Variants in BRINP3 observed in about 807,000 individuals in gnomAD.
BRINP3 encodes the protein BMP/retinoic acid inducible neural specific 3.
A neutral mutation model predicts 71.0 loss-of-function variants in BRINP3; 19 were observed. The observed-to-expected ratio is 0.27, with a 90% CI of 0.19 to 0.39. The LOEUF (loss-of-function observed/expected upper bound fraction) is 0.39. Ranked by LOEUF, BRINP3 falls within the 10% of genes least tolerant of loss-of-function variation. The pLI, the probability that BRINP3 is intolerant of heterozygous loss-of-function variation, is 1.00. For synonymous variants in BRINP3, 380 were observed against 337.7 expected (o/e 1.13, Z -1.37); for missense variants, 959 against 940.8 (o/e 1.02, Z -0.25).
At chr1:190,151,261 T>A (rs1196415486) in intron 7 of BRINP3, among the ~76,000 whole-genome samples, 1 of 152,212 alleles carries the variant, frequency 6.6e-6, no homozygotes, top group Non-Finnish European at 1.5e-5. Flanking sequence ...CAAATATAGA[T>A]GAGACCTATT....
At chr1:190,325,567 AT>A (rs1558183446) in intron 2 of BRINP3, among the ~76,000 whole-genome samples, 1 of 152,060 alleles carries the variant, frequency 6.6e-6, no homozygotes, top group Non-Finnish European at 1.5e-5. Flanking sequence ...GTGATAGCTG[AT>A]GTGTGGAAAA....
intron 6 of BRINP3, among the ~76,000 whole-genome samples, chr1:190,169,408 A>G (rs922953597): frequency 2.0e-5 from 3 of 152,054 alleles, no homozygotes; most frequent in African/African-American, 7.2e-5. Context: ...CCCTCAAGAG[A>G]TTACTTCTGC....
At chr1:190,376,552 A>C (rs1670194810) in intron 2 of BRINP3, among the ~76,000 whole-genome samples, 2 of 152,060 alleles carry the variant, frequency 1.3e-5, no homozygotes, top group South Asian at 4.1e-4. Flanking sequence ...GCAGGTACTC[A>C]AAATTACCAT....
intron 6 of BRINP3, among the ~76,000 whole-genome samples, chr1:190,163,784 T>C (rs1282042325): frequency 6.6e-6 from 1 of 152,126 alleles, no homozygotes; most frequent in Admixed American, 6.6e-5. Flanking sequence ...AAACAAGGTT[T>C]GTTGTGCCTT....
At chr1:190,380,351 T>G (rs1670470818) in intron 2 of BRINP3, among the ~76,000 whole-genome samples, 1 of 152,142 alleles carries the variant, frequency 6.6e-6, no homozygotes. Flanking sequence ...TGGTAGAATT[T>G]TTGGAAGAAT....
At chr1:190,157,929 A>G (rs1657008463) in intron 7 of BRINP3, among the ~76,000 whole-genome samples, 2 of 152,134 alleles carry the variant, frequency 1.3e-5, no homozygotes, top group South Asian at 4.1e-4. Context: ...GGAATACCAC[A>G]TAGCCATAAA....
At chr1:190,304,815 G>T (rs779517221) in intron 2 of BRINP3, among the ~76,000 whole-genome samples, 1 of 151,858 alleles carries the variant, frequency 6.6e-6, no homozygotes, top group African/African-American at 2.4e-5. Context: ...TTCCGACAAA[G>T]TGAAGAGACA....
At chr1:190,450,150 C>T (rs1171243982) in intron 2 of BRINP3, among the ~76,000 whole-genome samples, 1 of 152,040 alleles carries the variant, frequency 6.6e-6, no homozygotes, top group African/African-American at 2.4e-5. Context: ...TCTGTGGCTA[C>T]ATCTCAAGGT....
At chr1:190,182,021 C>T (rs1304300746) in intron 6 of BRINP3, among the ~76,000 whole-genome samples, 1 of 151,752 alleles carries the variant, frequency 6.6e-6, no homozygotes, top group African/African-American at 2.4e-5. Context: ...TGAAAAATGT[C>T]ACTTCCTTCT....
intron 6 of BRINP3, among the ~76,000 whole-genome samples, chr1:190,192,282 A>T (rs1654099453): frequency 6.6e-6 from 1 of 152,174 alleles, no homozygotes; most frequent in Admixed American, 6.6e-5. Flanking sequence ...CCTAAGCTTC[A>T]TGTTTGATTT....
At position 190,455,505 on chromosome 1, in the gene BRINP3, G is replaced by A. The variant is rs59070107; in HGVS notation, c.-50-565C>T. 3.7e-3 allele frequency among the ~76,000 whole-genome samples: 564 copies of A among 152,164 alleles called. 4 individuals are homozygous for A. Among genetic ancestry groups the A allele is most frequent in the African/African-American group, 0.013 (524 of 41,536 alleles). ...TATTATAGATATATATAGATATAGA[G>A]ACAGACACAGAGTGAGACAGAGAGA... On this transcript the variant is annotated intron_variant, in intron 1 of 7. Coordinates refer to ENST00000367462, the MANE Select transcript of BRINP3 (RefSeq NM_199051.3).
At chr1:190,359,336 G>C (rs1375491668) in intron 2 of BRINP3, among the ~76,000 whole-genome samples, 1 of 152,040 alleles carries the variant, frequency 6.6e-6, no homozygotes, top group African/African-American at 2.4e-5. Flanking sequence ...CATGGGGACT[G>C]ACCATATCAG....
chr1:190,230,266 A>G (rs1356784927), intron 5 of BRINP3, among the ~76,000 whole-genome samples: 1 of 151,984 alleles, frequency 6.6e-6, no homozygotes, highest in African/African-American at 2.4e-5. Flanking sequence ...ATATAAAATA[A>G]TATTAGAAAA....
At chr1:190,122,352 A>G (rs1653737309) in intron 7 of BRINP3, among the ~76,000 whole-genome samples, 1 of 152,098 alleles carries the variant, frequency 6.6e-6, no homozygotes. Context: ...TTATTTGGAA[A>G]TAGGGTCTTT....
intron 7 of BRINP3, among the ~76,000 whole-genome samples, chr1:190,137,293 C>T (rs971346234): frequency 4.0e-5 from 6 of 151,826 alleles, no homozygotes; most frequent in African/African-American, 7.3e-5. Flanking sequence ...CCAGTTTATC[C>T]GGTTTTTATT....
At chr1:190,368,415 C>CT (rs1333175078) in intron 2 of BRINP3, among the ~76,000 whole-genome samples, 3 of 152,018 alleles carry the variant, frequency 2.0e-5, no homozygotes, top group Non-Finnish European at 4.4e-5. Flanking sequence ...TGCAGGCCTC[C>CT]ATAACAACTG....
chr1:190,313,998 A>G (rs1401105887), intron 2 of BRINP3, among the ~76,000 whole-genome samples: 1 of 152,112 alleles, frequency 6.6e-6, no homozygotes, highest in Non-Finnish European at 1.5e-5. Context: ...AATATGGCTG[A>G]AAGAGATGTG....
intron 2 of BRINP3, among the ~76,000 whole-genome samples, chr1:190,315,617 G>C (rs900872971): frequency 6.6e-6 from 1 of 152,088 alleles, no homozygotes; most frequent in South Asian, 2.1e-4. Flanking sequence ...GCTATCATCT[G>C]TCTGGGCTGG....
intron 2 of BRINP3, among the ~76,000 whole-genome samples, chr1:190,288,789 TA>T (rs1275350113): frequency 2.2e-4 from 34 of 151,874 alleles, no homozygotes; most frequent in Non-Finnish European, 4.9e-4. Flanking sequence ...AATTAATAAG[TA>T]AAAATTTACA....
Sources: allele counts gnomAD v4.1 joint callset (sites outside exome capture counted in the v4.1 genomes callset), GRCh38; gene constraint gnomAD v4.1.1; transcripts MANE v1.5; gene names NCBI Gene and HGNC (gene_info 2026-07-23, HGNC 2026-07-21).